PIEZO2: variants seen among roughly 807,000 people sequenced by gnomAD.
PIEZO2 encodes the protein piezo-type mechanosensitive ion channel component 2.
Under a neutral mutation model 337.3 loss-of-function variants are expected in PIEZO2, and 172 were observed. The observed-to-expected ratio is 0.51, with a 90% CI of 0.45 to 0.58. The LOEUF (loss-of-function observed/expected upper bound fraction) is 0.58. Among genes scored for constraint, PIEZO2 ranks in the 20% least tolerant of loss-of-function variants. The pLI is 0.00. For synonymous variants in PIEZO2, 1,251 were observed against 1,228.5 expected, an observed-to-expected ratio of 1.02 and a Z score of -0.38; for missense variants, 3,028 against 3,391.3, an observed-to-expected ratio of 0.89 and a Z score of 2.66.
Position 10,726,093 on chromosome 18 carries a change from G to A in PIEZO2, c.5029+5314C>T, listed in dbSNP as rs1337977186. On this transcript the variant is annotated intron_variant, in intron 36 of 55. Transcript: ENST00000674853. This position sits in a 1 kb window ranked among gnomAD's most constrained non-coding sequence, Gnocchi z 5.9. ...TCCAGGAGGGCTGGGGGCAATGTCA[G>A]TTCGGGAGAGTTCGTGCACGTGTGT... Among the ~76,000 whole-genome samples the A allele has an allele frequency of 6.6e-6, 1 of 152,118 alleles. No homozygotes were observed. Among genetic ancestry groups the A allele is most frequent in the Admixed American group, 6.5e-5 (1 of 15,270 alleles).
At chr18:10,844,577 A>C (rs544404416) in intron 7 of PIEZO2, among the ~76,000 whole-genome samples, 1 of 152,132 alleles carries the variant, frequency 6.6e-6, no homozygotes, top group African/African-American at 2.4e-5. Flanking sequence ...TCACGAGGTC[A>C]GGAGATCCAG....
intron 43 of PIEZO2, among the ~76,000 whole-genome samples, chr18:10,700,939 G>A (rs1449227959): frequency 1.3e-5 from 2 of 152,210 alleles, no homozygotes; most frequent in African/African-American, 4.8e-5. Context: ...ACTTTGCAAA[G>A]TGATGGAAGC....
At chr18:10,901,251 T>C (rs559519758) in intron 4 of PIEZO2, among the ~76,000 whole-genome samples, 4 of 152,308 alleles carry the variant, frequency 2.6e-5, no homozygotes, top group Admixed American at 1.3e-4. Context: ...ATAAGGAATA[T>C]AGGATAGAAT....
intron 3 of PIEZO2, among the ~76,000 whole-genome samples, chr18:10,921,687 C>T (rs1030709596): frequency 2.0e-5 from 3 of 152,170 alleles, no homozygotes; most frequent in African/African-American, 7.2e-5. Flanking sequence ...TCACCTTAAA[C>T]TCTGACCGCT....
intron 2 of PIEZO2, among the ~76,000 whole-genome samples, chr18:11,008,776 C>T (rs904899359): frequency 2.6e-5 from 4 of 152,298 alleles, no homozygotes; most frequent in African/African-American, 9.6e-5. Context: ...CCAGTCCCTG[C>T]ATTGGGAGCC....
chr18:11,064,682 G>C (rs181221009), intron 2 of PIEZO2, among the ~76,000 whole-genome samples: 1 of 152,268 alleles, frequency 6.6e-6, no homozygotes, highest in Admixed American at 6.5e-5. Flanking sequence ...GTCAGGGGTT[G>C]TCACAGAAGT....
In PIEZO2 at chr18:10,954,055, GAC is replaced by G. The variant is rs2033418810; in HGVS notation, c.286+25478_286+25479del. On this transcript the variant is annotated intron_variant, in intron 3 of 55. Coordinates refer to ENST00000674853, the MANE Select transcript of PIEZO2 (RefSeq NM_001378183.1). This position sits in a 1 kb window ranked among gnomAD's most constrained non-coding sequence, Gnocchi z 4.2. ...GGTCCCTTGAGGCTTAAAAATATAA[GAC>G]AGCCTGTGAAATTTTAGGCCTTACA... 2.0e-5 allele frequency among the ~76,000 whole-genome samples: 3 copies of G among 152,190 alleles called. No individual in the cohort carries two copies. The highest frequency in any genetic ancestry group is 2.0e-4 in the Admixed American group (3 of 15,282).
At chr18:10,803,259 T>C (rs2039887461) in intron 9 of PIEZO2, among the ~76,000 whole-genome samples, 2 of 152,202 alleles carry the variant, frequency 1.3e-5, no homozygotes, top group South Asian at 4.1e-4. Context: ...ACTGACAAGT[T>C]TCAGTATGCC....
In PIEZO2 at chr18:10,671,304, T is replaced by C. The variant is rs902992367; in HGVS notation, c.*223A>G. On this transcript the variant is annotated 3_prime_UTR_variant, in exon 56 of 56. Transcript: ENST00000674853. ...ACTGTTGACTAAAACATAAAGCAAG[T>C]AGCCCTGATTTCAGAGAAATGGAGT... The C allele has an allele frequency of 2.3e-6, 1 of 436,032 alleles. No homozygotes were observed. The highest frequency in any genetic ancestry group is 3.5e-5 in the South Asian group (1 of 28,580). The allele number at this position is 436,032 out of a possible 1,614,324, so 27.0% of individuals were successfully genotyped here. A position where few individuals can be genotyped will look rare whatever the true frequency, so the allele number is the denominator to read the frequency against.
rs2040174242 is a variant in PIEZO2 at position 11,126,109 on chromosome 18, A to G, written c.64+22416T>C. Among the ~76,000 whole-genome samples, 1 of 152,208 alleles carries G rather than the reference A, an allele frequency of 6.6e-6. No homozygotes were observed. The highest frequency in any genetic ancestry group is 6.5e-5 in the Admixed American group (1 of 15,282). On this transcript the variant is annotated intron_variant, in intron 1 of 55. Coordinates refer to ENST00000674853, the MANE Select transcript of PIEZO2 (RefSeq NM_001378183.1). This position sits in a 1 kb window ranked among gnomAD's most constrained non-coding sequence, Gnocchi z 4.6. ...AGTAGAACAGCGGGCAGTTCTGTCC[A>G]TGCCCACCAGAGGCCTGCAGCACAG...
intron 30 of PIEZO2, among the ~76,000 whole-genome samples, chr18:10,747,806 A>G (rs144862411): frequency 6.0e-4 from 91 of 152,320 alleles, no homozygotes; most frequent in Non-Finnish European, 1.2e-3. Flanking sequence ...CAAATGATAG[A>G]TATTGCTAAT....
chr18:10,908,074 A>G (rs1035020091), intron 4 of PIEZO2, among the ~76,000 whole-genome samples: 3 of 152,252 alleles, frequency 2.0e-5, no homozygotes, highest in Non-Finnish European at 2.9e-5. Context: ...TTATGAGTAC[A>G]GCCACATAAA....
rs1459028461 is a variant in PIEZO2 at position 10,952,165 on chromosome 18, A to C, written c.286+27370T>G. On this transcript the variant is annotated intron_variant, in intron 3 of 55. Transcript: ENST00000674853. The surrounding 1 kb of genome is among the most constrained non-coding windows in gnomAD (Gnocchi z 4.1). ...TAGAGCCCCCAAAACAAACAGTGAA[A>C]CAGTGAGAGGAAAATTCCAATGTGT... Among the ~76,000 whole-genome samples, 2 of 152,182 alleles carry C rather than the reference A, an allele frequency of 1.3e-5. No homozygotes were observed. Among genetic ancestry groups the C allele is most frequent in the African/African-American group, 2.4e-5 (1 of 41,440 alleles).
intron 1 of PIEZO2, among the ~76,000 whole-genome samples, chr18:11,135,823 GTT>G (rs747465419): frequency 3.8e-4 from 58 of 152,320 alleles, no homozygotes; most frequent in Non-Finnish European, 5.7e-4. Context: ...TTTAAAAAGA[GTT>G]TGTTTGACTG....
At chr18:10,801,705 C>T (rs951564688) in intron 9 of PIEZO2, among the ~76,000 whole-genome samples, 1 of 152,070 alleles carries the variant, frequency 6.6e-6, no homozygotes, top group Admixed American at 6.5e-5. Flanking sequence ...TTATGTTCTA[C>T]AAGAATAAGC....
chr18:10,715,896 ACC>A, intron 37 of PIEZO2, 80 bp from the exon 38 acceptor site: 1 of 1,205,534 alleles, frequency 8.3e-7, no homozygotes, highest in Non-Finnish European at 1.1e-6. Flanking sequence ...GCGATGTTTT[ACC>A]AAAGCTGGAC....
At chr18:10,924,456 G>A (rs1019589382) in intron 3 of PIEZO2, among the ~76,000 whole-genome samples, 2 of 152,132 alleles carry the variant, frequency 1.3e-5, no homozygotes, top group African/African-American at 2.4e-5. Context: ...TTATGAGACT[G>A]TCCCTTAAAA....
At chr18:11,017,044 A>G (rs1409403810) in intron 2 of PIEZO2, among the ~76,000 whole-genome samples, 1 of 152,216 alleles carries the variant, frequency 6.6e-6, no homozygotes, top group Non-Finnish European at 1.5e-5. Context: ...GAAAACCCTC[A>G]TAAGAACGTG....
rs1414915598 is a variant in PIEZO2 at position 10,942,946 on chromosome 18, T to C, written c.287-31718A>G. The stretch of plus-strand genomic sequence containing the variant: ...AGGGGCCAACACAGAGCTTGGGCTA[T>C]GGCATCAGAGGGTGCAAGCTCCAAG... On this transcript the variant is annotated intron_variant, in intron 3 of 55. Coordinates refer to ENST00000674853, the MANE Select transcript of PIEZO2 (RefSeq NM_001378183.1). The surrounding 1 kb of genome is among the most constrained non-coding windows in gnomAD (Gnocchi z 4.4). 6.6e-6 allele frequency among the ~76,000 whole-genome samples: 1 copy of C among 152,212 alleles called. No individual in the cohort carries two copies. Among genetic ancestry groups the C allele is most frequent in the African/African-American group, 2.4e-5 (1 of 41,454 alleles).
Sources: gnomAD v4.1 joint callset for allele counts (sites outside exome capture counted in the v4.1 genomes callset) on GRCh38, gnomAD v4.1.1 for gene constraint, Gnocchi (gnomAD v3.1) non-coding constraint, MANE v1.5 for transcripts, NCBI Gene and HGNC (gene_info 2026-07-23, HGNC 2026-07-21) for gene names.